Variants in CNTN5 observed in about 807,000 individuals in gnomAD.
CNTN5 encodes contactin 5.
Under a neutral mutation model 129.1 loss-of-function variants are expected in CNTN5, and 77 were observed. The observed-to-expected ratio is 0.60, with a 90% CI of 0.50 to 0.72. The LOEUF (loss-of-function observed/expected upper bound fraction) is 0.72, where lower values mean the gene tolerates loss of function less well. Among genes scored for constraint, CNTN5 ranks in the 30% least tolerant of loss-of-function variants. The probability of loss-of-function intolerance (pLI) is 0.00; values close to 1 mark genes in which losing one functional copy is unlikely to be tolerated. For missense variants in CNTN5, 1,478 were observed against 1,328.8 expected (o/e 1.11, Z -1.75); for synonymous variants, 509 against 465.6 (o/e 1.09, Z -1.20).
intron 13 of CNTN5, among the ~76,000 whole-genome samples, chr11:100,182,923 C>A (rs1219038362): frequency 6.6e-6 from 1 of 151,592 alleles, no homozygotes; most frequent in Non-Finnish European, 1.5e-5. Flanking sequence ...AACTCTAAAT[C>A]TTGAAATCTA....
chr11:99,577,974 C>T (rs369390645), intron 3 of CNTN5, among the ~76,000 whole-genome samples: 1 of 129,866 alleles, frequency 7.7e-6, no homozygotes, highest in Non-Finnish European at 1.6e-5. Context: ...GCTATCCCTC[C>T]CCCCTCCCCC....
intron 21 of CNTN5, among the ~76,000 whole-genome samples, chr11:100,310,270 G>A (rs1951446110): frequency 6.6e-6 from 1 of 151,810 alleles, no homozygotes; most frequent in Admixed American, 6.6e-5. Context: ...GTGCACGGAA[G>A]AGTGACAACC....
At chr11:99,435,526 A>G (rs1040888272) in intron 2 of CNTN5, among the ~76,000 whole-genome samples, 2 of 152,214 alleles carry the variant, frequency 1.3e-5, no homozygotes, top group African/African-American at 4.8e-5. Context: ...TCTTCAGTTC[A>G]TAATACTCTA....
At chr11:100,114,742 G>A (rs1014137223) in intron 13 of CNTN5, among the ~76,000 whole-genome samples, 33 of 151,798 alleles carry the variant, frequency 2.2e-4, no homozygotes, top group Admixed American at 1.7e-3. Context: ...AACAAATCTC[G>A]CTCATCCTTT....
At chr11:99,941,856 C>T (rs939132747) in intron 7 of CNTN5, among the ~76,000 whole-genome samples, 2 of 152,142 alleles carry the variant, frequency 1.3e-5, no homozygotes, top group African/African-American at 2.4e-5. Context: ...TAAAAAGAGT[C>T]AGGCAAAATC....
chr11:99,572,767 T>TA (rs202189270), intron 3 of CNTN5, among the ~76,000 whole-genome samples: 778 of 27,830 alleles, frequency 0.028, 4 homozygotes, highest in Non-Finnish European at 0.074. Flanking sequence ...AGGGTTTTTT[T>TA]TAAAAAATAG....
chr11:99,600,726 T>G (rs2135703359), intron 3 of CNTN5, among the ~76,000 whole-genome samples: 1 of 150,108 alleles, frequency 6.7e-6, no homozygotes, highest in South Asian at 2.1e-4. Flanking sequence ...CCACCAGTGT[T>G]GGAGCACCTA....
intron 2 of CNTN5, among the ~76,000 whole-genome samples, chr11:99,475,947 T>A (rs1037512585): frequency 3.3e-5 from 5 of 152,110 alleles, no homozygotes; most frequent in Non-Finnish European, 7.4e-5. Flanking sequence ...ACGTGGAACT[T>A]TATTCTGCCA....
At chr11:100,313,924 G>C (rs761610567) in intron 21 of CNTN5, among the ~76,000 whole-genome samples, 8 of 152,164 alleles carry the variant, frequency 5.3e-5, no homozygotes, top group Admixed American at 2.0e-4. Flanking sequence ...GAGATCAAGT[G>C]AGATAAAGAG....
chr11:99,463,130 A>AATAAATAAATAAATAC (rs1944787117), intron 2 of CNTN5, among the ~76,000 whole-genome samples: 2 of 148,870 alleles, frequency 1.3e-5, no homozygotes, highest in Non-Finnish European at 3.0e-5. Context: ...TAAATAAATA[A>AATAAATAAATAAATAC]ATAAATAAAT....
intron 2 of CNTN5, among the ~76,000 whole-genome samples, chr11:99,432,950 A>G (rs1190316123): frequency 4.6e-5 from 7 of 151,402 alleles, no homozygotes; most frequent in Admixed American, 4.0e-4. Context: ...AGGAGGCAGT[A>G]GCTAGATGGT....
chr11:99,197,255 A>G (rs981482370), intron 1 of CNTN5, among the ~76,000 whole-genome samples: 3 of 151,988 alleles, frequency 2.0e-5, no homozygotes. Context: ...AAATTTTATA[A>G]TTCCTTCTCA....
chr11:99,540,898 T>C (rs957556993), intron 2 of CNTN5, among the ~76,000 whole-genome samples: 1 of 152,194 alleles, frequency 6.6e-6, no homozygotes, highest in Non-Finnish European at 1.5e-5. Context: ...TAGAAGTATC[T>C]TGATAAACAT....
At chr11:99,516,862 T>C (rs1464173610) in intron 2 of CNTN5, among the ~76,000 whole-genome samples, 3 of 152,284 alleles carry the variant, frequency 2.0e-5, no homozygotes, top group East Asian at 1.9e-4. Flanking sequence ...GAGATACTTA[T>C]GTTAGGTGTC....
chr11:99,933,186 A>T (rs1950230427), intron 7 of CNTN5, among the ~76,000 whole-genome samples: 1 of 152,206 alleles, frequency 6.6e-6, no homozygotes, highest in Non-Finnish European at 1.5e-5. Flanking sequence ...GATCACATAT[A>T]ATATAAATCT....
intron 6 of CNTN5, among the ~76,000 whole-genome samples, chr11:99,896,669 C>T (rs1163623588): frequency 6.6e-6 from 1 of 152,110 alleles, no homozygotes; most frequent in Non-Finnish European, 1.5e-5. Flanking sequence ...TTGATTCTGC[C>T]CCTACCACCC....
In CNTN5 at chr11:99,398,886, G is replaced by C. The variant is rs1280973312; in HGVS notation, c.-71+73402G>C. Among the ~76,000 whole-genome samples the C allele has an allele frequency of 2.0e-5, 3 of 151,394 alleles. No individual in the cohort carries two copies. The East Asian group carries it at 5.8e-4, about 29-fold the overall frequency. On this transcript the variant is annotated intron_variant, in intron 2 of 24. Coordinates refer to ENST00000524871, the MANE Select transcript of CNTN5 (RefSeq NM_014361.4). ...TACAAGAATTTCCTTTGCCTTTTTT[G>C]CTCTCCTTTTGAAAATCACACCGTA...
At chr11:99,128,593 G>A (rs1403736993) in intron 1 of CNTN5, among the ~76,000 whole-genome samples, 1 of 152,200 alleles carries the variant, frequency 6.6e-6, no homozygotes. Flanking sequence ...GACTCCCCCA[G>A]CACAGCACAA....
intron 18 of CNTN5, among the ~76,000 whole-genome samples, chr11:100,287,438 G>A (rs1216081): frequency 0.069 from 10,367 of 150,794 alleles, 451 homozygotes; most frequent in African/African-American, 0.14. Context: ...CCAGAAGAGA[G>A]TGGGGGCCAA....
Sources: allele counts gnomAD v4.1 joint callset (sites outside exome capture counted in the v4.1 genomes callset), GRCh38; gene constraint gnomAD v4.1.1; transcripts MANE v1.5; gene names NCBI Gene and HGNC (gene_info 2026-07-23, HGNC 2026-07-21).